Variants in KLK5 observed in about 807,000 individuals in gnomAD.
KLK5 encodes kallikrein-5.
Under a neutral mutation model 24.0 loss-of-function variants are expected in KLK5, and 18 were observed. The observed-to-expected ratio is 0.75, with a 90% CI of 0.52 to 1.11. The LOEUF is 1.11. Ranked by LOEUF, KLK5 falls within the 50% of genes most tolerant of loss-of-function variation. The probability of loss-of-function intolerance (pLI) is 0.00; values close to 1 mark genes in which losing one functional copy is unlikely to be tolerated. For missense variants in KLK5, 374 were observed against 379.2 expected (o/e 0.99, Z 0.11); for synonymous variants, 140 against 154.0 (o/e 0.91, Z 0.67).
chr19:50,950,036 C>G lies in KLK5; in HGVS notation c.154G>C (p.Ala52Pro), dbSNP rs201755421. Residue 52 changes from alanine (A) to proline (P), a missense_variant, in exon 3 of 6, where the codon GCT becomes CCT. Ala to Pro is a conservative substitution (Grantham distance 27). Transcript: ENST00000336334. Reference protein sequence around the residue: ...VPSGSNQDLGAGAGEDARSDD... With the variant: ...VPSGSNQDLGPGAGEDARSDD... ...GACCGGGCGTCTTCCCCGGCCCCAG[C>G]TCCCAGGTCCTGGTTGCTCCCAGAG... The G allele has an allele frequency of 6.2e-7, 1 of 1,613,730 alleles. No homozygotes were observed. The highest frequency in any genetic ancestry group is 8.5e-7 in the Non-Finnish European group (1 of 1,179,936).
intron 5 of KLK5, among the ~76,000 whole-genome samples, chr19:50,946,637 G>C (rs1269708956): frequency 6.6e-6 from 1 of 151,648 alleles, no homozygotes; most frequent in Non-Finnish European, 1.5e-5. Context: ...TCGGCTCACT[G>C]CAAGTTCCGC....
chr19:50,948,486 T>C (rs2090654424), intron 5 of KLK5, among the ~76,000 whole-genome samples, 154 bp downstream of exon 5: 2 of 152,162 alleles, frequency 1.3e-5, no homozygotes, highest in African/African-American at 2.4e-5. Context: ...TCAGCATTAT[T>C]TCTACTAAAC....
chr19:50,949,793 TTCCCCA>T, intron 3 of KLK5, 56 bp downstream of exon 3: 1 of 91,654 alleles, frequency 1.1e-5, no homozygotes, highest in Non-Finnish European at 1.9e-5. Context: ...CCACCCCCAC[TTCCCCA>T]CCCCCACCCC....
chr19:50,944,418 C>G (rs941957584), intron 5 of KLK5, among the ~76,000 whole-genome samples: 1 of 152,196 alleles, frequency 6.6e-6, no homozygotes, highest in Non-Finnish European at 1.5e-5. Flanking sequence ...CTCTCCACAT[C>G]TCGAATCTTC....
chr19:50,943,476 T>A lies in KLK5; in HGVS notation c.*155A>T. ...CTAGAGAGACACGGTCAGCCCAATG[T>A]GGGGGAAGCAGACCCTGAGTCCAGG... is the stretch of plus-strand genomic sequence containing the variant. On this transcript the variant is annotated 3_prime_UTR_variant, in exon 6 of 6. Coordinates refer to ENST00000336334, the MANE Select transcript of KLK5 (RefSeq NM_012427.5). The A allele has an allele frequency of 1.5e-6, 1 of 673,110 alleles. No homozygotes were observed. The highest frequency in any genetic ancestry group is 2.5e-6 in the Non-Finnish European group (1 of 395,712). The allele number at this position is 673,110 out of a possible 1,614,324, so 41.7% of individuals were successfully genotyped here.
intron 5 of KLK5, among the ~76,000 whole-genome samples, chr19:50,944,657 A>G (rs2090615477): frequency 6.6e-6 from 1 of 152,208 alleles, no homozygotes. Flanking sequence ...CTGAAGCTGG[A>G]TAATGGTTTG....
intron 5 of KLK5, among the ~76,000 whole-genome samples, chr19:50,946,982 G>GA (rs2090641657): frequency 6.6e-6 from 1 of 152,122 alleles, no homozygotes; most frequent in Non-Finnish European, 1.5e-5. Flanking sequence ...ACAATTTGGG[G>GA]GGAGCTTTTC....
chr19:50,943,990 T>C (rs915423462), intron 5 of KLK5, among the ~76,000 whole-genome samples: 1 of 151,190 alleles, frequency 6.6e-6, no homozygotes, highest in African/African-American at 2.4e-5. Flanking sequence ...ATGTTATTAA[T>C]ATTTCACTCC....
intron 5 of KLK5, among the ~76,000 whole-genome samples, chr19:50,946,445 G>GA (rs1307376614): frequency 6.6e-6 from 1 of 151,932 alleles, no homozygotes; most frequent in African/African-American, 2.4e-5. Context: ...ACACCGGTAT[G>GA]AAAAAACAAA....
rs1279195839 is a variant in KLK5, at chr19:50,944,955, CCTCT to C, written c.727-1173_727-1170del. On this transcript the variant is annotated intron_variant, in intron 5 of 5. Transcript: ENST00000336334. ...CCCTCTTTTCCTTCTTTCCTTCCTT[CCTCT>C]CTCTTTTCTTTCTTCTTTCTTTCTT... 4.6e-5 allele frequency among the ~76,000 whole-genome samples: 7 copies of C among 151,898 alleles called. No individual in the cohort carries two copies. The East Asian group carries it at 9.7e-4, about 21-fold the overall frequency.
rs1413871853 is a variant in KLK5 at position 50,947,497 on chromosome 19, A to G, written c.726+1143T>C. 6.6e-6 allele frequency among the ~76,000 whole-genome samples: 1 copy of G among 152,134 alleles called. No homozygotes were observed. Among genetic ancestry groups the G allele is most frequent in the African/African-American group, 2.4e-5 (1 of 41,420 alleles). ...CCTTATTGTTTACTATCCTAAAACC[A>G]TGTTTTATTTTGGGGTTAACCTTTA... On this transcript the variant is annotated intron_variant, in intron 5 of 5. Coordinates refer to ENST00000336334, the MANE Select transcript of KLK5 (RefSeq NM_012427.5). This position sits in a 1 kb window ranked among gnomAD's most constrained non-coding sequence, Gnocchi z 8.7.
chr19:50,949,800 C>CCTCCATGCCAA, intron 3 of KLK5, 55 bp downstream of exon 3: 1 of 235,566 alleles, frequency 4.2e-6, no homozygotes, highest in Non-Finnish European at 7.3e-6. Flanking sequence ...CACTTCCCCA[C>CCTCCATGCCAA]CCCCACCCCC....
At chr19:50,948,515 G>C (rs1003771789) in intron 5 of KLK5, 125 bp downstream of exon 5, 3 of 885,086 alleles carry the variant, frequency 3.4e-6, no homozygotes, top group Non-Finnish European at 5.3e-6. Context: ...TCTAGGGTAT[G>C]AGCTCTGTGA....
rs764722005 is a variant in KLK5 at position 50,949,847 on chromosome 19, C to G, written c.335+8G>C. 6.7e-7 allele frequency: 1 copy of G among 1,492,002 alleles called. No homozygotes were observed. The highest frequency in any genetic ancestry group is 1.1e-5 in the South Asian group (1 of 88,744). The allele number at this position is 1,492,002 out of a possible 1,614,324, so 92.4% of individuals were successfully genotyped here. On this transcript the variant is annotated splice_region_variant and intron_variant, in intron 3 of 5. Coordinates refer to ENST00000336334, the MANE Select transcript of KLK5 (RefSeq NM_012427.5). ...CCCACCAACCCTCCTCTTGGAACTC[C>G]CACTCACTTCTTCCTGCAGTGGGCG...
chr19:50,947,646 T>A lies in KLK5; in HGVS notation c.726+994A>T, dbSNP rs1212908185. On this transcript the variant is annotated intron_variant, in intron 5 of 5. Transcript: ENST00000336334. This position sits in a 1 kb window ranked among gnomAD's most constrained non-coding sequence, Gnocchi z 8.7. ...ATCCCCTGTATTAAATATTCTCTTG[T>A]AAAAATACCTACCAGATTTCTCTTT... Among the ~76,000 whole-genome samples the A allele has an allele frequency of 7.2e-6, 1 of 138,376 alleles. No individual in the cohort carries two copies. Among genetic ancestry groups the A allele is most frequent in the Non-Finnish European group, 1.6e-5 (1 of 62,514 alleles). 90.8% of individuals were successfully genotyped at this position (138,376 alleles called of 152,430 possible). A position where few individuals can be genotyped will look rare whatever the true frequency, so the allele number is the denominator to read the frequency against.
At chr19:50,948,412 T>G (rs268903) in intron 5 of KLK5, among the ~76,000 whole-genome samples, 4 of 151,956 alleles carry the variant, frequency 2.6e-5, no homozygotes, top group Non-Finnish European at 5.9e-5. Context: ...TGTGAGCCAC[T>G]GCGCCCAGCC....
At chr19:50,946,668 T>G (rs1055695675) in intron 5 of KLK5, among the ~76,000 whole-genome samples, 5 of 151,984 alleles carry the variant, frequency 3.3e-5, no homozygotes, top group African/African-American at 9.7e-5. Context: ...CAGGCCATTC[T>G]CCTGCCTCAG....
In KLK5 at chr19:50,950,015, G is replaced by T; in HGVS notation, c.175C>A (p.Arg59=). 3.7e-6 allele frequency: 6 copies of T among 1,613,490 alleles called. No homozygotes were observed. The highest frequency in any genetic ancestry group is 5.1e-6 in the Non-Finnish European group (6 of 1,179,902). The part of the protein sequence containing the change: ...DLGAGAGEDA[R]SDDSSSRIIN... ...ATGCGGCTGCTGCTGTCATCCGACC[G>T]GGCGTCTTCCCCGGCCCCAGCTCCC... The change falls in exon 3 of 6, where the codon CGG becomes AGG. Residue 59 remains arginine (R), a synonymous_variant. Coordinates refer to ENST00000336334, the MANE Select transcript of KLK5 (RefSeq NM_012427.5).
intron 5 of KLK5, among the ~76,000 whole-genome samples, chr19:50,946,057 G>A (rs2090630891): frequency 6.6e-6 from 1 of 152,152 alleles, no homozygotes; most frequent in Non-Finnish European, 1.5e-5. Flanking sequence ...CAGAGTCCTG[G>A]TATCAATTAT....
Sources: allele counts gnomAD v4.1 joint callset (sites outside exome capture counted in the v4.1 genomes callset), GRCh38; gene constraint gnomAD v4.1.1; non-coding constraint Gnocchi (gnomAD v3.1); transcripts MANE v1.5; gene names NCBI Gene and HGNC (gene_info 2026-07-23, HGNC 2026-07-21).